NAA15: variants seen among roughly 807,000 people sequenced by gnomAD.
NAA15 encodes N-terminal acetyltransferase.
NAA15 carries 34 observed loss-of-function variants against 114.0 expected under a neutral mutation model. The ratio of observed to expected loss-of-function variants is 0.30; its 90% CI spans 0.23 to 0.40. The LOEUF (loss-of-function observed/expected upper bound fraction) is 0.40, where lower values mean the gene tolerates loss of function less well. Among genes scored for constraint, NAA15 ranks in the 10% least tolerant of loss-of-function variants. NAA15 has a pLI of 1.00. For missense variants in NAA15, 658 were observed against 1,004.5 expected (o/e 0.66, Z 4.66); for synonymous variants, 340 against 338.0 (o/e 1.01, Z -0.06).
intron 15 of NAA15, among the ~76,000 whole-genome samples, chr4:139,374,861 G>C (rs1342965406): frequency 6.6e-6 from 1 of 152,182 alleles, no homozygotes; most frequent in Non-Finnish European, 1.5e-5. Flanking sequence ...TAAAGTTGGA[G>C]ACAGAATTAA....
At chr4:139,377,856 T>G (rs933950265) in intron 16 of NAA15, among the ~76,000 whole-genome samples, 8 of 152,154 alleles carry the variant, frequency 5.3e-5, no homozygotes, top group African/African-American at 1.9e-4. Context: ...TTTAAAAAAT[T>G]CTTAAATGGA....
chr4:139,379,056 A>T, intron 17 of NAA15: 1 of 394,530 alleles, frequency 2.5e-6, no homozygotes. Context: ...TTGACATAGA[A>T]TTATTCAGTC....
At chr4:139,340,015 A>G (rs1274093184) in intron 3 of NAA15, among the ~76,000 whole-genome samples, 2 of 152,090 alleles carry the variant, frequency 1.3e-5, no homozygotes, top group East Asian at 1.9e-4. Flanking sequence ...TTGATGACCT[A>G]CGTCTTAGTT....
intron 1 of NAA15, among the ~76,000 whole-genome samples, chr4:139,327,442 C>T (rs754921579): frequency 2.6e-5 from 4 of 152,072 alleles, no homozygotes; most frequent in Non-Finnish European, 4.4e-5. Context: ...TTAGTAGAAA[C>T]GGGGTTTCAC....
chr4:139,369,536 G>C (rs1163498435), intron 14 of NAA15, among the ~76,000 whole-genome samples: 2 of 152,014 alleles, frequency 1.3e-5, no homozygotes, highest in African/African-American at 4.8e-5. Context: ...TCAGGAGTTT[G>C]AGACCAGCCT....
At chr4:139,380,054 A>G (rs923328469) in intron 17 of NAA15, among the ~76,000 whole-genome samples, 11 of 152,342 alleles carry the variant, frequency 7.2e-5, no homozygotes, top group Non-Finnish European at 1.3e-4. Flanking sequence ...CAAAAAAACA[A>G]CAACAACATC....
intron 10 of NAA15, 47 bp downstream of exon 10, chr4:139,354,145 T>C (rs1747868069): frequency 6.9e-7 from 1 of 1,442,554 alleles, no homozygotes; most frequent in Non-Finnish European, 9.7e-7. Flanking sequence ...AAAATTTTAA[T>C]ACATTGTGAA....
intron 10 of NAA15, among the ~76,000 whole-genome samples, chr4:139,355,177 C>G (rs536777500): frequency 6.6e-6 from 1 of 152,116 alleles, no homozygotes; most frequent in Non-Finnish European, 1.5e-5. Context: ...CCACGCCTGA[C>G]AAAAATTAAT....
At chr4:139,329,217 G>GT (rs1322469633) in intron 1 of NAA15, among the ~76,000 whole-genome samples, 1 of 151,776 alleles carries the variant, frequency 6.6e-6, no homozygotes, top group East Asian at 1.9e-4. Flanking sequence ...AATTCTATTT[G>GT]TTTTTTTCGA....
intron 6 of NAA15, 49 bp from the exon 7 acceptor site, chr4:139,349,413 G>T: frequency 6.2e-6 from 9 of 1,445,918 alleles, no homozygotes; most frequent in Non-Finnish European, 8.3e-6. Context: ...ATTCTAATTG[G>T]AAGGTTTTCT....
At chr4:139,366,555 G>A (rs1470884616) in intron 14 of NAA15, among the ~76,000 whole-genome samples, 1 of 151,754 alleles carries the variant, frequency 6.6e-6, no homozygotes, top group African/African-American at 2.4e-5. Context: ...AAGTTTAACT[G>A]CCGTGGTCTG....
chr4:139,351,305 A>G lies in NAA15; in HGVS notation c.907+19A>G. ...TTATCTGGTAAGTGAGAATAATTGC[A>G]AAGGAATAGAAATGCTTTTATGATT... On this transcript the variant is annotated intron_variant, in intron 8 of 19. Transcript: ENST00000296543. 1.4e-6 allele frequency: 2 copies of G among 1,478,492 alleles called. No homozygotes were observed. Among genetic ancestry groups the G allele is most frequent in the South Asian group, 1.2e-5 (1 of 83,926 alleles). The allele number at this position is 1,478,492 out of a possible 1,614,324, so 91.6% of individuals were successfully genotyped here.
intron 1 of NAA15, among the ~76,000 whole-genome samples, chr4:139,321,056 G>A (rs6536063): frequency 6.7e-6 from 1 of 150,314 alleles, no homozygotes; most frequent in African/African-American, 2.4e-5. Flanking sequence ...TTTTTTTTTT[G>A]ATCTTCTCAA....
intron 14 of NAA15, among the ~76,000 whole-genome samples, chr4:139,367,327 A>G (rs2110971339): frequency 6.6e-6 from 1 of 152,284 alleles, no homozygotes; most frequent in South Asian, 2.1e-4. Flanking sequence ...TCCTGGTTCC[A>G]CTTTCTGAAT....
chr4:139,352,741 C>G lies in NAA15; in HGVS notation c.1014+1130C>G, dbSNP rs544293055. Among the ~76,000 whole-genome samples the G allele has an allele frequency of 1.1e-3, 157 of 145,102 alleles. 1 individual carries two copies. The highest frequency in any genetic ancestry group is 3.9e-3 in the African/African-American group (151 of 38,486). ...GGAGTGCAATGGCGTGATCTCAGCTCACTGCAACCTCTGCCTCCCGGGTTC... is the reference window on the plus strand; with the variant it reads ...GGAGTGCAATGGCGTGATCTCAGCTGACTGCAACCTCTGCCTCCCGGGTTC... On this transcript the variant is annotated intron_variant, in intron 9 of 19. Coordinates refer to ENST00000296543, the MANE Select transcript of NAA15 (RefSeq NM_057175.5).
intron 12 of NAA15, 110 bp from the exon 13 acceptor site, chr4:139,360,390 A>AT (rs1027993810): frequency 8.4e-5 from 79 of 942,154 alleles, no homozygotes; most frequent in Non-Finnish European, 1.1e-4. Context: ...TGTTTTAAAA[A>AT]TTTTTTTGAA....
At chr4:139,330,505 G>A (rs1421364370) in intron 1 of NAA15, among the ~76,000 whole-genome samples, 1 of 152,170 alleles carries the variant, frequency 6.6e-6, no homozygotes, top group East Asian at 1.9e-4. Flanking sequence ...GGAAGCTATT[G>A]CCAAGAAACC....
intron 1 of NAA15, among the ~76,000 whole-genome samples, chr4:139,305,137 AGTGT>A (rs1267736058): frequency 6.6e-6 from 1 of 152,232 alleles, no homozygotes; most frequent in Non-Finnish European, 1.5e-5. Context: ...GATGTACCAC[AGTGT>A]GTTTAACCAT....
At chr4:139,305,999 A>G (rs1298066579) in intron 1 of NAA15, among the ~76,000 whole-genome samples, 7 of 152,210 alleles carry the variant, frequency 4.6e-5, no homozygotes, top group Admixed American at 3.9e-4. Flanking sequence ...TGCTTTACAC[A>G]TAAGTTTGCA....
Sources: allele counts gnomAD v4.1 joint callset (sites outside exome capture counted in the v4.1 genomes callset), GRCh38; gene constraint gnomAD v4.1.1; transcripts MANE v1.5; gene names NCBI Gene and HGNC (gene_info 2026-07-23, HGNC 2026-07-21).